NPFFR2: variants seen among roughly 807,000 people sequenced by gnomAD.
The protein encoded by NPFFR2 is G-protein coupled receptor 74.
A neutral mutation model predicts 13.1 loss-of-function variants in NPFFR2; 15 were observed. That is an observed-to-expected ratio of 1.15 (90% confidence interval 0.77 to 1.76). The LOEUF is 1.76. Among genes scored for constraint, NPFFR2 ranks in the 40% most tolerant of loss-of-function variants. The pLI is 0.00. For missense variants in NPFFR2, 572 were observed against 503.5 expected (o/e 1.14, Z -1.30); for synonymous variants, 190 against 175.7 (o/e 1.08, Z -0.65).
rs556304937 is a variant in NPFFR2, at chr4:72,088,730, C to A, written c.-7-39855C>A. ...TGCCACTTTTAAAACCATCAGATTT[C>A]CCAAGAATACACTCATTATCACAAG... On this transcript the variant is annotated intron_variant, in intron 1 of 3. Transcript: ENST00000308744. 7.2e-5 allele frequency among the ~76,000 whole-genome samples: 11 copies of A among 152,038 alleles called. No homozygotes were observed. The South Asian group carries it at 2.3e-3, about 32-fold the overall frequency.
chr4:72,098,192 T>G (rs1285048625), intron 1 of NPFFR2, among the ~76,000 whole-genome samples: 1 of 152,178 alleles, frequency 6.6e-6, no homozygotes, highest in Non-Finnish European at 1.5e-5. Context: ...ATGAAATCTA[T>G]GGGATTAAAC....
At chr4:72,050,580 C>T (rs974733210) in intron 1 of NPFFR2, among the ~76,000 whole-genome samples, 1 of 151,966 alleles carries the variant, frequency 6.6e-6, no homozygotes, top group Admixed American at 6.6e-5. Context: ...TGAAGGAAAG[C>T]AACATGTTTT....
intron 1 of NPFFR2, among the ~76,000 whole-genome samples, chr4:72,036,295 A>G (rs1362363278): frequency 1.3e-5 from 2 of 152,098 alleles, no homozygotes; most frequent in African/African-American, 2.4e-5. Context: ...ACTCCCAAGT[A>G]TGTAGCAACA....
chr4:72,096,371 T>C (rs745729259), intron 1 of NPFFR2, among the ~76,000 whole-genome samples: 1 of 152,190 alleles, frequency 6.6e-6, no homozygotes, highest in Non-Finnish European at 1.5e-5. Flanking sequence ...ACACTGTATT[T>C]ATAACATGCA....
In NPFFR2 at chr4:72,147,449, T is replaced by TG. The variant is rs1722820999; in HGVS notation, c.901dup (p.Asp301GlyfsTer6). The TG allele has an allele frequency of 6.2e-7, 1 of 1,614,080 alleles. No individual in the cohort carries two copies. The highest frequency in any genetic ancestry group is 1.7e-5 in the Admixed American group (1 of 60,004). ...CTCTAATGATGCTCTCAGACTACGC[T>TG]GACCTTTCTCCAAATGAACTGCAGA... On this transcript the variant is annotated frameshift_variant, in exon 4 of 4. Coordinates refer to ENST00000308744, the MANE Select transcript of NPFFR2 (RefSeq NM_004885.3). LOFTEE classifies it low-confidence loss of function (END_TRUNC).
chr4:72,137,011 G>A (rs1335259913), intron 2 of NPFFR2, among the ~76,000 whole-genome samples: 4 of 152,212 alleles, frequency 2.6e-5, no homozygotes, highest in South Asian at 2.1e-4. Flanking sequence ...TCAACCAACG[G>A]CTAGACACAG....
chr4:72,055,372 TAC>T (rs1376046379), intron 1 of NPFFR2, among the ~76,000 whole-genome samples: 1 of 151,978 alleles, frequency 6.6e-6, no homozygotes, highest in African/African-American at 2.4e-5. Context: ...TGTTTTGGGG[TAC>T]CACAAACTGT....
chr4:72,058,019 G>C (rs540565877), intron 1 of NPFFR2, among the ~76,000 whole-genome samples: 1 of 151,982 alleles, frequency 6.6e-6, no homozygotes, highest in Non-Finnish European at 1.5e-5. Context: ...GGATGGAGAG[G>C]CTTGGCTAGT....
chr4:72,120,214 T>G (rs558225160), intron 1 of NPFFR2, among the ~76,000 whole-genome samples: 35 of 152,292 alleles, frequency 2.3e-4, no homozygotes, highest in African/African-American at 7.9e-4. Flanking sequence ...CCTCTCTAGA[T>G]TCCTCCTCTC....
chr4:72,128,938 A>G lies in NPFFR2; in HGVS notation c.328+19A>G, dbSNP rs749256682. 6.4e-7 allele frequency: 1 copy of G among 1,551,874 alleles called. No homozygotes were observed. The highest frequency in any genetic ancestry group is 1.4e-5 in the African/African-American group (1 of 73,370). ...ATAGCAGGTATGTTGGCTTTTGTGC[A>G]GTTTGAAGATAATATGAAATATTTG... On this transcript the variant is annotated intron_variant, in intron 2 of 3. Transcript: ENST00000308744.
chr4:72,037,547 T>C (rs1719074931), intron 1 of NPFFR2, among the ~76,000 whole-genome samples: 1 of 152,194 alleles, frequency 6.6e-6, no homozygotes, highest in South Asian at 2.1e-4. Context: ...TTTGTAAGGA[T>C]GCTGTATCTC....
intron 2 of NPFFR2, among the ~76,000 whole-genome samples, chr4:72,134,787 T>A (rs1053814788): frequency 2.6e-5 from 4 of 152,204 alleles, no homozygotes; most frequent in Non-Finnish European, 5.9e-5. Flanking sequence ...CGGTGTTTTC[T>A]GTTCTCTTTA....
In NPFFR2 at chr4:72,147,792, A is replaced by G. The variant is rs138572984; in HGVS notation, c.1243A>G (p.Thr415Ala). ...ELVMEELKET[T>A]NSSEI ...AGTGATGGAAGAATTAAAAGAAACT[A>G]CTAACAGCAGTGAGATTTAAAAAGA... The change falls in exon 4 of 4, where the codon ACT (threonine) becomes GCT (alanine). Residue 415 changes from threonine (T) to alanine (A), a missense_variant. Transcript: ENST00000308744. 6.3e-5 allele frequency: 100 copies of G among 1,576,962 alleles called. No homozygotes were observed. Among genetic ancestry groups the G allele is most frequent in the Non-Finnish European group, 8.3e-5 (97 of 1,168,696 alleles).
At chr4:72,128,530 T>A in intron 1 of NPFFR2, 55 bp from the exon 2 acceptor site, 1 of 1,120,984 alleles carries the variant, frequency 8.9e-7, no homozygotes, top group Non-Finnish European at 1.3e-6. Flanking sequence ...GGCACAGAAT[T>A]TATGCTTTAC....
intron 1 of NPFFR2, among the ~76,000 whole-genome samples, chr4:72,049,433 T>G (rs1202814371): frequency 6.6e-6 from 1 of 152,052 alleles, no homozygotes; most frequent in African/African-American, 2.4e-5. Context: ...TTTTGCAGGG[T>G]GATTGTTCTG....
chr4:72,048,195 A>G (rs916973156), intron 1 of NPFFR2, among the ~76,000 whole-genome samples: 4 of 152,132 alleles, frequency 2.6e-5, no homozygotes, highest in African/African-American at 7.2e-5. Flanking sequence ...ATGGGGAGCA[A>G]CGAAAAGGCC....
chr4:72,064,065 C>T (rs925811757), intron 1 of NPFFR2, among the ~76,000 whole-genome samples: 2 of 152,094 alleles, frequency 1.3e-5, no homozygotes, highest in African/African-American at 2.4e-5. Flanking sequence ...ATGGAAAATT[C>T]CACCCACCAG....
At chr4:72,069,695 C>T (rs1415884312) in intron 1 of NPFFR2, among the ~76,000 whole-genome samples, 1 of 151,938 alleles carries the variant, frequency 6.6e-6, no homozygotes, top group Non-Finnish European at 1.5e-5. Context: ...CAGAATATTT[C>T]TGCAAATTAA....
chr4:72,123,627 G>A (rs912936013), intron 1 of NPFFR2, among the ~76,000 whole-genome samples: 4 of 152,082 alleles, frequency 2.6e-5, no homozygotes, highest in East Asian at 1.9e-4. Flanking sequence ...ATCAATCAAC[G>A]TAATCCATCA....
Sources: gnomAD v4.1 joint callset for allele counts (sites outside exome capture counted in the v4.1 genomes callset) on GRCh38, gnomAD v4.1.1 for gene constraint, MANE v1.5 for transcripts, NCBI Gene and HGNC (gene_info 2026-07-23, HGNC 2026-07-21) for gene names.